CACNA1D: variants seen among roughly 807,000 people sequenced by gnomAD.
The protein encoded by CACNA1D is voltage-dependent L-type calcium channel subunit alpha-1D.
CACNA1D carries 55 observed loss-of-function variants against 257.1 expected under a neutral mutation model. The observed-to-expected ratio is 0.21, with a 90% CI of 0.17 to 0.27. The LOEUF is 0.27. Ranked by LOEUF, CACNA1D falls within the 10% of genes least tolerant of loss-of-function variation. CACNA1D has a pLI of 1.00. For synonymous variants in CACNA1D, 980 were observed against 1,014.9 expected, an observed-to-expected ratio of 0.97 and a Z score of 0.65; for missense variants, 1,876 against 2,784.0, an observed-to-expected ratio of 0.67 and a Z score of 7.34.
In CACNA1D at chr3:53,793,004, A is replaced by G. The variant is rs1043669292; in HGVS notation, c.4923+6052A>G. Among the ~76,000 whole-genome samples, 10 of 152,194 alleles carry G rather than the reference A, an allele frequency of 6.6e-5. No individual in the cohort carries two copies. Among genetic ancestry groups the G allele is most frequent in the Admixed American group, 1.3e-4 (2 of 15,290 alleles). On this transcript the variant is annotated intron_variant, in intron 40 of 47. Coordinates refer to ENST00000350061, the MANE Select transcript of CACNA1D (RefSeq NM_001128840.3). This position sits in a 1 kb window ranked among gnomAD's most constrained non-coding sequence, Gnocchi z 4.1. ...AGGTTTGACTGCTTCGTGCTGCACC[A>G]CATGGTGATGTGGGGGATGGGGTAG...
intron 4 of CACNA1D, among the ~76,000 whole-genome samples, chr3:53,658,296 G>C (rs2094168894): frequency 6.6e-6 from 1 of 151,892 alleles, no homozygotes; most frequent in Non-Finnish European, 1.5e-5. Context: ...TCATTTTATA[G>C]AGAGGAGAAC....
In CACNA1D at chr3:53,782,086, G is replaced by A. The variant is rs953615052; in HGVS notation, c.4792+419G>A. 5.3e-5 allele frequency among the ~76,000 whole-genome samples: 8 copies of A among 151,766 alleles called. No individual in the cohort carries two copies. The East Asian group carries it at 7.7e-4, about 15-fold the overall frequency. ...TTTCAGGAAATTGTATTTTTGAAATGTTCTTATCAAGACTGAATTTACTAC... is the reference window on the plus strand; with the variant it reads ...TTTCAGGAAATTGTATTTTTGAAATATTCTTATCAAGACTGAATTTACTAC... On this transcript the variant is annotated intron_variant, in intron 39 of 47. Transcript: ENST00000350061.
intron 3 of CACNA1D, among the ~76,000 whole-genome samples, chr3:53,539,355 G>A (rs898664298): frequency 3.3e-5 from 5 of 152,000 alleles, no homozygotes; most frequent in Admixed American, 1.3e-4. Flanking sequence ...TGATCTGCCC[G>A]CCTCCGCCTC....
At chr3:53,686,292 G>GA (rs959485420) in intron 8 of CACNA1D, among the ~76,000 whole-genome samples, 1 of 151,940 alleles carries the variant, frequency 6.6e-6, no homozygotes, top group African/African-American at 2.4e-5. Context: ...AGCCGATTTA[G>GA]AAAAAAATTA....
intron 40 of CACNA1D, among the ~76,000 whole-genome samples, chr3:53,799,344 A>C (rs772209418): frequency 6.6e-6 from 1 of 152,360 alleles, no homozygotes; most frequent in East Asian, 1.9e-4. Context: ...ATGCATAAGC[A>C]TCTTGGAATG....
chr3:53,720,885 C>A (rs940509890), intron 11 of CACNA1D, among the ~76,000 whole-genome samples: 9 of 152,208 alleles, frequency 5.9e-5, no homozygotes, highest in East Asian at 3.8e-4. Flanking sequence ...ATATTTGGCC[C>A]AGCCATCCCA....
intron 3 of CACNA1D, among the ~76,000 whole-genome samples, chr3:53,571,442 A>G (rs1198028086): frequency 6.6e-6 from 1 of 152,100 alleles, no homozygotes; most frequent in East Asian, 1.9e-4. Flanking sequence ...TGTCACATGC[A>G]CTCACTTGCC....
At chr3:53,770,662 A>G in intron 32 of CACNA1D, 110 bp downstream of exon 32, 1 of 969,256 alleles carries the variant, frequency 1.0e-6, no homozygotes, top group Non-Finnish European at 1.6e-6. Flanking sequence ...CACTCTGTGG[A>G]CCTAAATCAA....
chr3:53,646,369 A>G (rs1212933045), intron 3 of CACNA1D, among the ~76,000 whole-genome samples: 1 of 152,242 alleles, frequency 6.6e-6, no homozygotes, highest in Non-Finnish European at 1.5e-5. Context: ...TTAGATACAT[A>G]CATATGTATC....
At chr3:53,759,637 CT>C (rs2095288723) in intron 29 of CACNA1D, among the ~76,000 whole-genome samples, 1 of 152,254 alleles carries the variant, frequency 6.6e-6, no homozygotes, top group Admixed American at 6.5e-5. Flanking sequence ...TTTTGAGTTA[CT>C]CTTAACTCCA....
intron 45 of CACNA1D, among the ~76,000 whole-genome samples, chr3:53,805,982 C>CTCCTCCCTCCCTCATCTTCCCTCA (rs2095562731): frequency 7.5e-6 from 1 of 134,102 alleles, no homozygotes; most frequent in Non-Finnish European, 1.6e-5. Context: ...ATCTTCCCTC[C>CTCCTCCCTCCCTCATCTTCCCTCA]TCCTCCGTTC....
At chr3:53,683,834 C>G (rs2094452696) in intron 8 of CACNA1D, among the ~76,000 whole-genome samples, 1 of 151,986 alleles carries the variant, frequency 6.6e-6, no homozygotes, top group African/African-American at 2.4e-5. Context: ...AAATTGGAGT[C>G]ACAGGAGAAT....
intron 40 of CACNA1D, among the ~76,000 whole-genome samples, chr3:53,799,515 C>T (rs1201101705): frequency 6.6e-6 from 1 of 152,224 alleles, no homozygotes; most frequent in Non-Finnish European, 1.5e-5. Context: ...TCTGGTGGGT[C>T]TTGCACTGCC....
In CACNA1D at chr3:53,509,606, G is replaced by A. The variant is rs568274989; in HGVS notation, c.483+7886G>A. Among the ~76,000 whole-genome samples the A allele has an allele frequency of 9.2e-5, 14 of 152,300 alleles. 1 individual carries two copies. The South Asian group carries it at 1.4e-3, about 16-fold the overall frequency. ...GCTGGAGGGAATCAGGGGCTGACCC[G>A]AGGGAGGGCGGGGAGGCAGGTGCAG... On this transcript the variant is annotated intron_variant, in intron 3 of 47. Transcript: ENST00000350061.
At chr3:53,704,180 G>A (rs568679569) in intron 9 of CACNA1D, among the ~76,000 whole-genome samples, 1 of 152,146 alleles carries the variant, frequency 6.6e-6, no homozygotes, top group African/African-American at 2.4e-5. Flanking sequence ...GTGTGTAAGT[G>A]GGGGCTGAGA....
intron 38 of CACNA1D, 88 bp downstream of exon 38, chr3:53,780,216 T>A (rs1361645210): frequency 1.9e-6 from 2 of 1,077,512 alleles, no homozygotes; most frequent in African/African-American, 3.1e-5. Flanking sequence ...GGCCTTTTCT[T>A]GGCCAAGGGG....
intron 8 of CACNA1D, among the ~76,000 whole-genome samples, chr3:53,681,031 T>C (rs2094424885): frequency 6.6e-6 from 1 of 152,104 alleles, no homozygotes; most frequent in Admixed American, 6.5e-5. Flanking sequence ...CCCTAAGTAT[T>C]CTCCACCCAT....
intron 3 of CACNA1D, among the ~76,000 whole-genome samples, chr3:53,563,215 A>G (rs1182330046): frequency 6.6e-6 from 1 of 152,068 alleles, no homozygotes; most frequent in Non-Finnish European, 1.5e-5. Context: ...CACAGGGATG[A>G]CCACTGTCTA....
In CACNA1D at chr3:53,741,697, G is replaced by C. The variant is rs3774557; in HGVS notation, c.2812-1314G>C. ...GTGGATGCAGAATGCACAGTGGTGG[G>C]GGTCGGAGGGATGCCGCCAGAACAC... On this transcript the variant is annotated intron_variant, in intron 21 of 47. Transcript: ENST00000350061. Among the ~76,000 whole-genome samples, 8 of 152,264 alleles carry C rather than the reference G, an allele frequency of 5.3e-5. No individual in the cohort carries two copies. The East Asian group carries it at 1.4e-3, about 26-fold the overall frequency.
Sources: gnomAD v4.1 joint callset for allele counts (sites outside exome capture counted in the v4.1 genomes callset) on GRCh38, gnomAD v4.1.1 for gene constraint, Gnocchi (gnomAD v3.1) non-coding constraint, MANE v1.5 for transcripts, NCBI Gene and HGNC (gene_info 2026-07-23, HGNC 2026-07-21) for gene names.